Variants in CNTN4 observed in about 807,000 individuals in gnomAD.
CNTN4 encodes contactin-4.
A neutral mutation model predicts 122.5 loss-of-function variants in CNTN4; 77 were observed. That is an observed-to-expected ratio of 0.63 (90% CI 0.52 to 0.76). The LOEUF is 0.76. Ranked by LOEUF, CNTN4 falls within the 30% of genes least tolerant of loss-of-function variation. CNTN4 has a pLI of 0.00. For missense variants in CNTN4, 1,256 were observed against 1,259.1 expected, an observed-to-expected ratio of 1.00 and a Z score of 0.04; for synonymous variants, 512 against 447.0, an observed-to-expected ratio of 1.15 and a Z score of -1.83.
intron 3 of CNTN4, among the ~76,000 whole-genome samples, chr3:2,455,440 G>A (rs2048964114): frequency 6.6e-6 from 1 of 152,050 alleles, no homozygotes; most frequent in East Asian, 1.9e-4. Flanking sequence ...AGTTAGAAAA[G>A]GGAGAAAGTG....
chr3:2,925,887 T>A, intron 13 of CNTN4, 108 bp downstream of exon 13: 1 of 931,130 alleles, frequency 1.1e-6, no homozygotes, highest in South Asian at 1.4e-5. Flanking sequence ...GTTCCTGAAC[T>A]AAGTGTTAAA....
chr3:2,231,844 G>A (rs2039499542), intron 2 of CNTN4, among the ~76,000 whole-genome samples: 1 of 152,046 alleles, frequency 6.6e-6, no homozygotes, highest in African/African-American at 2.4e-5. Flanking sequence ...ATAAAAATAT[G>A]CTAATTGCAA....
At chr3:2,917,134 C>CA (rs1243438749) in intron 12 of CNTN4, among the ~76,000 whole-genome samples, 7 of 143,562 alleles carry the variant, frequency 4.9e-5, no homozygotes, top group Non-Finnish European at 9.0e-5. Context: ...ACCCCGTCTC[C>CA]ACCAAAAAAT....
At chr3:2,275,376 A>T (rs1397196294) in intron 2 of CNTN4, among the ~76,000 whole-genome samples, 2 of 152,188 alleles carry the variant, frequency 1.3e-5, no homozygotes, top group Admixed American at 1.3e-4. Flanking sequence ...ACATCCTCAT[A>T]ACTATCTTTT....
At chr3:3,035,056 C>T (rs1270318200) in intron 17 of CNTN4, among the ~76,000 whole-genome samples, 5 of 151,986 alleles carry the variant, frequency 3.3e-5, no homozygotes, top group African/African-American at 1.2e-4. Context: ...GCCTGCAATC[C>T]CAGCACTGTG....
intron 3 of CNTN4, among the ~76,000 whole-genome samples, chr3:2,408,113 C>T (rs1314063905): frequency 6.6e-6 from 1 of 152,178 alleles, no homozygotes; most frequent in Admixed American, 6.5e-5. Context: ...TTGCAGACAA[C>T]TGTGTCATAC....
chr3:2,501,249 C>T (rs944312601), intron 3 of CNTN4, among the ~76,000 whole-genome samples: 2 of 152,122 alleles, frequency 1.3e-5, no homozygotes, highest in Admixed American at 1.3e-4. Context: ...TTTGTGTTAA[C>T]ATTTCAATTC....
chr3:2,777,333 A>T (rs938430012), intron 6 of CNTN4, among the ~76,000 whole-genome samples: 1 of 152,240 alleles, frequency 6.6e-6, no homozygotes, highest in African/African-American at 2.4e-5. Flanking sequence ...GTAAAGAAAG[A>T]TGGAAAACAA....
chr3:2,309,528 C>T (rs1455844353), intron 2 of CNTN4, among the ~76,000 whole-genome samples: 2 of 151,950 alleles, frequency 1.3e-5, no homozygotes, highest in South Asian at 2.1e-4. Context: ...TTTTTGTTTG[C>T]GACTCTTGTT....
At chr3:2,135,292 GA>G (rs2034636478) in intron 2 of CNTN4, among the ~76,000 whole-genome samples, 1 of 152,144 alleles carries the variant, frequency 6.6e-6, no homozygotes, top group African/African-American at 2.4e-5. Flanking sequence ...TCAGGTACTT[GA>G]AAAGAGGGAT....
intron 7 of CNTN4, among the ~76,000 whole-genome samples, chr3:2,832,743 C>A (rs2093131105): frequency 6.6e-6 from 1 of 152,108 alleles, no homozygotes; most frequent in Non-Finnish European, 1.5e-5. Flanking sequence ...CAATGATAGC[C>A]AGACACCAGT....
At chr3:2,860,207 A>C (rs1306019563) in intron 7 of CNTN4, among the ~76,000 whole-genome samples, 7 of 152,210 alleles carry the variant, frequency 4.6e-5, no homozygotes, top group Non-Finnish European at 8.8e-5. Context: ...AGTACTGCAA[A>C]GACGGTGAAA....
At chr3:2,783,418 C>G (rs1336000571) in intron 6 of CNTN4, among the ~76,000 whole-genome samples, 3 of 152,182 alleles carry the variant, frequency 2.0e-5, no homozygotes, top group African/African-American at 7.2e-5. Context: ...CACACTATAC[C>G]TATTGTTTTC....
At chr3:2,780,364 C>T (rs1165121384) in intron 6 of CNTN4, among the ~76,000 whole-genome samples, 1 of 152,118 alleles carries the variant, frequency 6.6e-6, no homozygotes, top group Non-Finnish European at 1.5e-5. Context: ...GCCCTCTCAG[C>T]CCTGTTCCCC....
At chr3:2,260,602 T>G (rs2040796328) in intron 2 of CNTN4, among the ~76,000 whole-genome samples, 1 of 152,150 alleles carries the variant, frequency 6.6e-6, no homozygotes, top group African/African-American at 2.4e-5. Flanking sequence ...CTCATACAGA[T>G]TCCTGCTATA....
At chr3:2,782,767 A>G (rs908033158) in intron 6 of CNTN4, among the ~76,000 whole-genome samples, 7 of 152,114 alleles carry the variant, frequency 4.6e-5, no homozygotes, top group Admixed American at 1.3e-4. Flanking sequence ...TCTGCTATTT[A>G]ATGTATAACA....
intron 6 of CNTN4, among the ~76,000 whole-genome samples, chr3:2,808,959 C>T (rs2092539164): frequency 1.3e-5 from 2 of 152,250 alleles, no homozygotes; most frequent in South Asian, 4.1e-4. Context: ...CCAACCACCA[C>T]AGCCTGTGAA....
chr3:2,616,370 G>C (rs915453074), intron 4 of CNTN4, among the ~76,000 whole-genome samples: 4 of 152,046 alleles, frequency 2.6e-5, no homozygotes, highest in African/African-American at 9.7e-5. Flanking sequence ...TCTTTTTCCA[G>C]TCTATCATTG....
intron 4 of CNTN4, among the ~76,000 whole-genome samples, chr3:2,673,672 C>T (rs1431004422): frequency 6.6e-6 from 1 of 152,116 alleles, no homozygotes; most frequent in Non-Finnish European, 1.5e-5. Flanking sequence ...TCCCAAGTAG[C>T]TGGGACTACA....
Sources: allele counts gnomAD v4.1 joint callset (sites outside exome capture counted in the v4.1 genomes callset), GRCh38; gene constraint gnomAD v4.1.1; transcripts MANE v1.5; gene names NCBI Gene and HGNC (gene_info 2026-07-23, HGNC 2026-07-21).